Variants in KCNN4 observed in about 807,000 individuals in gnomAD.
The protein encoded by KCNN4 is potassium calcium-activated channel subfamily N member 4.
Under a neutral mutation model 45.2 loss-of-function variants are expected in KCNN4, and 31 were observed. That is an observed-to-expected ratio of 0.69 (90% CI 0.52 to 0.92). The LOEUF (loss-of-function observed/expected upper bound fraction) is 0.92. Among genes scored for constraint, KCNN4 ranks in the 40% least tolerant of loss-of-function variants. The pLI, the probability that KCNN4 is intolerant of heterozygous loss-of-function variation, is 0.00. For missense variants in KCNN4, 463 were observed against 574.0 expected (o/e 0.81, Z 1.98); for synonymous variants, 231 against 254.6 (o/e 0.91, Z 0.88).
At chr19:43,775,106 A>G (rs145178296) in intron 2 of KCNN4, among the ~76,000 whole-genome samples, 234 of 152,316 alleles carry the variant, frequency 1.5e-3, no homozygotes, top group African/African-American at 5.4e-3. Flanking sequence ...TGGGTGGATC[A>G]CTTGAGGTCA....
At chr19:43,776,681 CT>C (rs1279531643) in intron 1 of KCNN4, 45 bp from the exon 2 acceptor site, 1 of 1,280,280 alleles carries the variant, frequency 7.8e-7, no homozygotes, top group African/African-American at 1.5e-5. Flanking sequence ...CCAGGTCTCC[CT>C]CCGCCTGGCC....
At chr19:43,779,812 T>A (rs1171860978) in intron 1 of KCNN4, among the ~76,000 whole-genome samples, 2 of 151,872 alleles carry the variant, frequency 1.3e-5, no homozygotes, top group African/African-American at 4.8e-5. Context: ...AGCCCCCTCC[T>A]CTCCTGGTAC....
rs1329058213 is a variant in KCNN4 at position 43,772,892 on chromosome 19, T to A, written c.684-757A>T. ...GGACTTCTGCCTTGGAATGTGGAAC[T>A]TTGACTTCCTCCCCATTCTCCCATC... is the stretch of plus-strand genomic sequence containing the variant. On this transcript the variant is annotated intron_variant, in intron 3 of 8. Coordinates refer to ENST00000648319, the MANE Select transcript of KCNN4 (RefSeq NM_002250.3). This position sits in a 1 kb window ranked among gnomAD's most constrained non-coding sequence, Gnocchi z 4.4. Among the ~76,000 whole-genome samples the A allele has an allele frequency of 1.3e-5, 2 of 152,228 alleles. No homozygotes were observed. Among genetic ancestry groups the A allele is most frequent in the African/African-American group, 2.4e-5 (1 of 41,454 alleles).
chr19:43,772,210 A>T lies in KCNN4; in HGVS notation c.684-75T>A, dbSNP rs1242269338. 2.0e-6 allele frequency: 3 copies of T among 1,503,414 alleles called. No homozygotes were observed. The East Asian group carries it at 7.3e-5, about 37-fold the overall frequency. The allele number at this position is 1,503,414 out of a possible 1,614,324, so 93.1% of individuals were successfully genotyped here. Reference sequence around the variant, plus strand: ...TGATATTCACTCCCCTTCCCTCTATACCCTCCCATCCCCTTCCCTCTGGTT... The same window carrying T: ...TGATATTCACTCCCCTTCCCTCTATTCCCTCCCATCCCCTTCCCTCTGGTT... On this transcript the variant is annotated intron_variant, in intron 3 of 8. Coordinates refer to ENST00000648319, the MANE Select transcript of KCNN4 (RefSeq NM_002250.3). The surrounding 1 kb of genome is among the most constrained non-coding windows in gnomAD (Gnocchi z 4.4).
intron 1 of KCNN4, among the ~76,000 whole-genome samples, chr19:43,779,009 C>G (rs1243168176): frequency 6.6e-6 from 1 of 152,158 alleles, no homozygotes; most frequent in Non-Finnish European, 1.5e-5. Context: ...GCCTAGGCAA[C>G]AAAGCAAGGT....
intron 7 of KCNN4, among the ~76,000 whole-genome samples, chr19:43,768,505 G>A (rs1462977937): frequency 6.6e-6 from 1 of 152,230 alleles, no homozygotes; most frequent in Non-Finnish European, 1.5e-5. Context: ...CTGTTGCCCT[G>A]AGTACCCCTC....
At chr19:43,776,712 C>A (rs932991422) in intron 1 of KCNN4, 76 bp from the exon 2 acceptor site, 9 of 953,240 alleles carry the variant, frequency 9.4e-6, no homozygotes, top group Non-Finnish European at 1.5e-5. Flanking sequence ...TCCTTCAAAA[C>A]CACCATTTTT....
At chr19:43,773,201 G>C (rs937163067) in intron 3 of KCNN4, among the ~76,000 whole-genome samples, 3 of 152,238 alleles carry the variant, frequency 2.0e-5, no homozygotes, top group Non-Finnish European at 4.4e-5. Context: ...GGAGGCTGAG[G>C]CATGAGAATT....
Position 43,769,945 on chromosome 19 carries a change from G to A in KCNN4, c.820-116C>T, listed in dbSNP as rs1969598489. 3 of 679,638 alleles carry A rather than the reference G, an allele frequency of 4.4e-6. No individual in the cohort carries two copies. The highest frequency in any genetic ancestry group is 2.5e-5 in the Admixed American group (1 of 39,324). 42.1% of individuals were successfully genotyped at this position (679,638 alleles called of 1,614,324 possible). ...TCCCCAGTTAGCAGACAAGCAAAGAGGCTCAGAGAGGAGAGCCAAGGTCCC... is the reference window on the plus strand; with the variant it reads ...TCCCCAGTTAGCAGACAAGCAAAGAAGCTCAGAGAGGAGAGCCAAGGTCCC... On this transcript the variant is annotated intron_variant, in intron 4 of 8. Coordinates refer to ENST00000648319, the MANE Select transcript of KCNN4 (RefSeq NM_002250.3). This position sits in a 1 kb window ranked among gnomAD's most constrained non-coding sequence, Gnocchi z 4.4.
At chr19:43,771,101 G>A (rs1485656459) in intron 4 of KCNN4, among the ~76,000 whole-genome samples, 1 of 152,016 alleles carries the variant, frequency 6.6e-6, no homozygotes, top group East Asian at 1.9e-4. Flanking sequence ...GGAGGTGAAG[G>A]CCAAGGCATT....
At chr19:43,776,449 A>T (rs1255959949) in intron 2 of KCNN4, 92 bp downstream of exon 2, 1 of 866,296 alleles carries the variant, frequency 1.2e-6, no homozygotes, top group Non-Finnish European at 2.0e-6. Context: ...TTCATTACTC[A>T]GATCAGGAGG....
chr19:43,772,245 C>A lies in KCNN4; in HGVS notation c.684-110G>T. On this transcript the variant is annotated intron_variant, in intron 3 of 8. Transcript: ENST00000648319. This position sits in a 1 kb window ranked among gnomAD's most constrained non-coding sequence, Gnocchi z 4.4. Reference sequence around the variant, plus strand: ...CCCCTTCCCTCTGGTTCCCTCCCTTCCCCTCCCAGTATACACCCATAGTCC... The same window carrying A: ...CCCCTTCCCTCTGGTTCCCTCCCTTACCCTCCCAGTATACACCCATAGTCC... 3 of 1,206,496 alleles carry A rather than the reference C, an allele frequency of 2.5e-6. No homozygotes were observed. The highest frequency in any genetic ancestry group is 2.9e-5 in the South Asian group (2 of 70,010). The allele number at this position is 1,206,496 out of a possible 1,614,324, so 74.7% of individuals were successfully genotyped here.
At chr19:43,777,672 C>CTCT (rs111402121) in intron 1 of KCNN4, among the ~76,000 whole-genome samples, 57 of 146,506 alleles carry the variant, frequency 3.9e-4, no homozygotes, top group Middle Eastern at 3.5e-3. Context: ...GAAATTGTTC[C>CTCT]TTTTTTTTTT....
chr19:43,777,320 T>G (rs926637707), intron 1 of KCNN4, among the ~76,000 whole-genome samples: 1 of 149,172 alleles, frequency 6.7e-6, no homozygotes, highest in African/African-American at 2.5e-5. Flanking sequence ...TGTGTGTGTG[T>G]GTGTGGGTGT....
In KCNN4 at chr19:43,774,351, AGCAGGAC is replaced by A; in HGVS notation, c.517_523del (p.Val173SerfsTer26). 6.2e-7 allele frequency: 1 copy of A among 1,609,964 alleles called. No individual in the cohort carries two copies. The highest frequency in any genetic ancestry group is 8.5e-7 in the Non-Finnish European group (1 of 1,178,218). The stretch of plus-strand genomic sequence containing the variant: ...GCCGATGCTGCGGTAGGAAGCGTTG[AGCAGGAC>A]GCCGCTGCGCAGGAGCACGGCGCGG... On this transcript the variant is annotated frameshift_variant, in exon 3 of 9. Coordinates refer to ENST00000648319, the MANE Select transcript of KCNN4 (RefSeq NM_002250.3). LOFTEE classifies it high-confidence loss of function. This position sits in a 1 kb window ranked among gnomAD's most constrained non-coding sequence, Gnocchi z 5.6.
In KCNN4 at chr19:43,769,503, G is replaced by A. The variant is rs1303057570; in HGVS notation, c.988C>T (p.Arg330Cys). The A allele has an allele frequency of 5.6e-6, 9 of 1,614,186 alleles. No individual in the cohort carries two copies. The highest frequency in any genetic ancestry group is 2.2e-5 in the East Asian group (1 of 44,872). Residue 330 changes from arginine (R) to cysteine (C), a missense_variant, in exon 6 of 9, where the codon CGC (arginine) becomes TGC (cysteine). Physicochemically the swap from Arg to Cys is radical, Grantham distance 180. Transcript: ENST00000648319. This position sits in a 1 kb window ranked among gnomAD's most constrained non-coding sequence, Gnocchi z 4.4. ...QEAWMFYKHT[R>C]RKESHAARRH... ...CGGGCAGCATGAGACTCCTTCCTGC[G>A]AGTATGTTTGTAGAACATCCAGGCT... is the stretch of plus-strand genomic sequence containing the variant.
At chr19:43,776,912 C>T (rs1446586526) in intron 1 of KCNN4, 2 of 377,608 alleles carry the variant, frequency 5.3e-6, no homozygotes, top group Non-Finnish European at 9.9e-6. Flanking sequence ...CCCTGGCCAA[C>T]ATGGTGAAAC....
At chr19:43,768,333 A>G (rs1212841331) in intron 7 of KCNN4, among the ~76,000 whole-genome samples, 2 of 152,262 alleles carry the variant, frequency 1.3e-5, no homozygotes, top group African/African-American at 2.4e-5. Flanking sequence ...GCTAACGAGA[A>G]AAAGCAAAGG....
chr19:43,779,320 C>T (rs548884519), intron 1 of KCNN4, among the ~76,000 whole-genome samples: 27 of 152,250 alleles, frequency 1.8e-4, no homozygotes, highest in Non-Finnish European at 3.1e-4. Flanking sequence ...GGGCAGGCCC[C>T]GGCCATGCTT....
Sources: gnomAD v4.1 joint callset for allele counts (sites outside exome capture counted in the v4.1 genomes callset) on GRCh38, gnomAD v4.1.1 for gene constraint, Gnocchi (gnomAD v3.1) non-coding constraint, MANE v1.5 for transcripts, NCBI Gene and HGNC (gene_info 2026-07-23, HGNC 2026-07-21) for gene names.